UBIAD1: variants seen among roughly 807,000 people sequenced by gnomAD.
UBIAD1 encodes UbiA prenyltransferase domain containing 1, also known as ubiA prenyltransferase domain-containing protein 1.
In UBIAD1, 12 loss-of-function variants were observed where a neutral mutation model predicts 20.1. The ratio of observed to expected loss-of-function variants is 0.60; its 90% CI spans 0.38 to 0.97. The LOEUF is 0.97. UBIAD1 is among the 50% of genes least tolerant of loss of function. UBIAD1 has a pLI of 0.00. For missense variants in UBIAD1, 333 were observed against 419.5 expected (o/e 0.79, Z 1.80); for synonymous variants, 207 against 189.2 (o/e 1.09, Z -0.77).
In UBIAD1 at chr1:11,273,592, G is replaced by C; in HGVS notation, c.61G>C (p.Ala21Pro). ...CATCCTGTCGGGAGAGACTGTCAAA[G>C]CTGGGGACAGGGACCCGCTGGGGAA... ...INILSGETVKAGDRDPLGNDC... is the reference protein window; with the variant it reads ...INILSGETVKPGDRDPLGNDC... The change falls in exon 1 of 2, where the codon GCT (alanine) becomes CCT (proline). Residue 21 changes from alanine to proline, a missense_variant. By Grantham distance (27) the Ala-to-Pro change is conservative. Coordinates refer to ENST00000376810, the MANE Select transcript of UBIAD1 (RefSeq NM_013319.3). This position sits in a 1 kb window ranked among gnomAD's most constrained non-coding sequence, Gnocchi z 4.9. 2 of 1,613,856 alleles carry C rather than the reference G, an allele frequency of 1.2e-6. No homozygotes were observed. Among genetic ancestry groups the C allele is most frequent in the Non-Finnish European group, 1.7e-6 (2 of 1,180,048 alleles).
intron 1 of UBIAD1, among the ~76,000 whole-genome samples, chr1:11,282,067 T>C (rs902366227): frequency 1.3e-5 from 2 of 152,168 alleles, no homozygotes; most frequent in Admixed American, 1.3e-4. Context: ...TCAAGTCTTT[T>C]TGTGGATATT....
Position 11,273,746 on chromosome 1 carries a change from C to G in UBIAD1, c.215C>G (p.Ala72Gly), listed in dbSNP as rs1429746836. 1 of 1,614,088 alleles carries G rather than the reference C, an allele frequency of 6.2e-7. No individual in the cohort carries two copies. The highest frequency in any genetic ancestry group is 2.2e-5 in the East Asian group (1 of 44,880). ...LTPVALGSAL[A>G]YRSHGVLDPR... Reference sequence around the variant, plus strand: ...CCGGTGGCCCTGGGCAGTGCCCTTGCCTACAGATCCCACGGTGTCCTGGAT... The same window carrying G: ...CCGGTGGCCCTGGGCAGTGCCCTTGGCTACAGATCCCACGGTGTCCTGGAT... The change falls in exon 1 of 2, where the codon GCC (alanine) becomes GGC (glycine). Residue 72 changes from alanine to glycine, a missense_variant. This residue lies in a region of UBIAD1 where 50 missense variants were observed against 101.2 expected (regional missense o/e 0.49). Transcript: ENST00000376810. This position sits in a 1 kb window ranked among gnomAD's most constrained non-coding sequence, Gnocchi z 4.9.
chr1:11,277,127 C>T (rs1652062784), intron 1 of UBIAD1, among the ~76,000 whole-genome samples: 1 of 151,834 alleles, frequency 6.6e-6, no homozygotes, highest in Non-Finnish European at 1.5e-5. Context: ...GTCCCAGCTA[C>T]TTGGGAGGCT....
At chr1:11,277,110 G>GCA (rs1652062213) in intron 1 of UBIAD1, among the ~76,000 whole-genome samples, 1 of 151,890 alleles carries the variant, frequency 6.6e-6, no homozygotes, top group Non-Finnish European at 1.5e-5. Context: ...GGTGGTGCAT[G>GCA]CCTGTAGTCC....
Position 11,285,852 on chromosome 1 carries a change from C to T in UBIAD1, c.738C>T (p.Val246=). ...DMESDREAGI[V]TLAILIGPTF... is the part of the protein sequence containing the mutation. Reference sequence around the variant, plus strand: ...AGTCCGACCGGGAGGCTGGTATCGTCACGCTGGCCATCCTCATCGGCCCCA... The same window carrying T: ...AGTCCGACCGGGAGGCTGGTATCGTTACGCTGGCCATCCTCATCGGCCCCA... The change falls in exon 2 of 2, where the codon GTC becomes GTT. Residue 246 remains valine (V), a synonymous_variant. Coordinates refer to ENST00000376810, the MANE Select transcript of UBIAD1 (RefSeq NM_013319.3). This position sits in a 1 kb window ranked among gnomAD's most constrained non-coding sequence, Gnocchi z 4.4. 1.2e-6 allele frequency: 2 copies of T among 1,614,228 alleles called. No individual in the cohort carries two copies. Among genetic ancestry groups the T allele is most frequent in the Non-Finnish European group, 1.7e-6 (2 of 1,180,046 alleles).
At position 11,274,003 on chromosome 1, in the gene UBIAD1, G is replaced by C; in HGVS notation, c.472G>C (p.Glu158Gln). The C allele has an allele frequency of 6.2e-7, 1 of 1,614,174 alleles. No individual in the cohort carries two copies. ...CLYYLSPLKLEHLALIYFGGL... is the reference protein window; with the variant it reads ...CLYYLSPLKLQHLALIYFGGL... The stretch of plus-strand genomic sequence containing the variant: ...CTACTACCTGTCCCCTCTGAAACTG[G>C]AGCACTTGGCTCTTATCTACTTTGG... Residue 158 changes from glutamate to glutamine, a missense_variant, in exon 1 of 2, where the codon GAG (glutamate) becomes CAG (glutamine). Physicochemically the swap from Glu to Gln is conservative, Grantham distance 29. Around this residue, in one of 3 missense-constraint regions of UBIAD1, gnomAD observed 226 missense variants for 263.5 expected, o/e 0.86. Transcript: ENST00000376810.
intron 1 of UBIAD1, among the ~76,000 whole-genome samples, chr1:11,278,124 A>G (rs1652119416): frequency 6.6e-6 from 1 of 151,808 alleles, no homozygotes; most frequent in Admixed American, 6.6e-5. Flanking sequence ...CGCCTGGTTA[A>G]TTTTTGGATT....
downstream of UBIAD1, among the ~76,000 whole-genome samples, chr1:11,289,897 A>AT (rs768566168): frequency 1.1e-3 from 174 of 152,062 alleles, 2 homozygotes; most frequent in Non-Finnish European, 1.9e-3. Context: ...TGCCCAGCTA[A>AT]TTTTTTGTAT....
At chr1:11,299,192 G>C (rs1389540493), downstream of UBIAD1, among the ~76,000 whole-genome samples, 2 of 152,206 alleles carry the variant, frequency 1.3e-5, no homozygotes, top group Non-Finnish European at 2.9e-5. Flanking sequence ...CTCAGTGGCG[G>C]GCATGACAGC....
At chr1:11,279,146 G>T in intron 1 of UBIAD1, 1 of 221,524 alleles carries the variant, frequency 4.5e-6, no homozygotes, top group South Asian at 8.1e-5. Context: ...TTATAGGTGT[G>T]AACTGCCATG....
chr1:11,297,244 G>A (rs1638463719), downstream of UBIAD1, among the ~76,000 whole-genome samples: 1 of 152,180 alleles, frequency 6.6e-6, no homozygotes, highest in Non-Finnish European at 1.5e-5. Flanking sequence ...GGTCACGAGA[G>A]TAGAGTCCTC....
rs1338912724 is a variant in UBIAD1 at position 11,273,358 on chromosome 1, G to A, written c.-174G>A. On this transcript the variant is annotated 5_prime_UTR_variant, in exon 1 of 2. Transcript: ENST00000376810. The surrounding 1 kb of genome is among the most constrained non-coding windows in gnomAD (Gnocchi z 4.9). ...TAGGGGCGGCGCCGCTTGGCCTCGT[G>A]GGGTGTAAGACCCACTTGCTGTTGC... 3 of 711,402 alleles carry A rather than the reference G, an allele frequency of 4.2e-6. No individual in the cohort carries two copies. The highest frequency in any genetic ancestry group is 2.6e-5 in the Admixed American group (1 of 38,490). The allele number at this position is 711,402 out of a possible 1,614,324, so 44.1% of individuals were successfully genotyped here. A position where few individuals can be genotyped will look rare whatever the true frequency, so the allele number is the denominator to read the frequency against.
Position 11,273,966 on chromosome 1 carries a change from TGCCGCTTGCCTCTACTA to T in UBIAD1, c.436_452del (p.Ala146ProfsTer146). Reference sequence around the variant, plus strand: ...TCCTCTACACGTTGGGCTGCGTCTGTGCCGCTTGCCTCTACTACCTGTCCCCTCTGAAACTGGAGCAC... The same window carrying T: ...TCCTCTACACGTTGGGCTGCGTCTGTCCTGTCCCCTCTGAAACTGGAGCAC... On this transcript the variant is annotated frameshift_variant, in exon 1 of 2. Transcript: ENST00000376810. LOFTEE classifies it high-confidence loss of function. This position sits in a 1 kb window ranked among gnomAD's most constrained non-coding sequence, Gnocchi z 4.9. 1.9e-6 allele frequency: 3 copies of T among 1,614,218 alleles called. No homozygotes were observed. Among genetic ancestry groups the T allele is most frequent in the Non-Finnish European group, 2.5e-6 (3 of 1,180,032 alleles).
downstream of UBIAD1, chr1:11,295,870 A>G (rs1638439122): frequency 6.6e-6 from 1 of 152,264 alleles, no homozygotes; most frequent in Admixed American, 6.5e-5. Flanking sequence ...AGCAAAAGCT[A>G]CATGCATACA....
At position 11,285,953 on chromosome 1, in the gene UBIAD1, C is replaced by T. The variant is rs752906753; in HGVS notation, c.839C>T (p.Thr280Ile). 6.2e-7 allele frequency: 1 copy of T among 1,614,232 alleles called. No individual in the cohort carries two copies. The highest frequency in any genetic ancestry group is 8.5e-7 in the Non-Finnish European group (1 of 1,180,044). ...LVFSILATHC[T>I]ISLALPLLTI... ...TTCAGCATCCTGGCCACACACTGCA[C>T]CATCAGCCTGGCACTCCCCCTGCTT... Residue 280 changes from threonine to isoleucine, a missense_variant, in exon 2 of 2, where the codon ACC becomes ATC. By Grantham distance (89) the Thr-to-Ile change is moderately conservative. Transcript: ENST00000376810. The surrounding 1 kb of genome is among the most constrained non-coding windows in gnomAD (Gnocchi z 4.4).
chr1:11,273,747 C>T lies in UBIAD1; in HGVS notation c.216C>T (p.Ala72=). Residue 72 remains alanine (A), a synonymous_variant, in exon 1 of 2, where the codon GCC becomes GCT. Coordinates refer to ENST00000376810, the MANE Select transcript of UBIAD1 (RefSeq NM_013319.3). The surrounding 1 kb of genome is among the most constrained non-coding windows in gnomAD (Gnocchi z 4.9). Reference sequence around the variant, plus strand: ...CGGTGGCCCTGGGCAGTGCCCTTGCCTACAGATCCCACGGTGTCCTGGATC... The same window carrying T: ...CGGTGGCCCTGGGCAGTGCCCTTGCTTACAGATCCCACGGTGTCCTGGATC... ...LTPVALGSAL[A]YRSHGVLDPR... 6.2e-7 allele frequency: 1 copy of T among 1,614,120 alleles called. No individual in the cohort carries two copies. Among genetic ancestry groups the T allele is most frequent in the South Asian group, 1.1e-5 (1 of 91,084 alleles).
In UBIAD1 at chr1:11,273,287, C is replaced by G; in HGVS notation, c.-245C>G. On this transcript the variant is annotated 5_prime_UTR_variant, in exon 1 of 2. Coordinates refer to ENST00000376810, the MANE Select transcript of UBIAD1 (RefSeq NM_013319.3). The surrounding 1 kb of genome is among the most constrained non-coding windows in gnomAD (Gnocchi z 4.9). The stretch of plus-strand genomic sequence containing the variant: ...GCCGCGGCTCAGCCGTGGGCTCTAA[C>G]GCGGGGCTGGGGGCCGGAGACAGAC... The G allele has an allele frequency of 1.8e-6, 1 of 563,494 alleles. No individual in the cohort carries two copies. The highest frequency in any genetic ancestry group is 3.2e-6 in the Non-Finnish European group (1 of 314,524). 34.9% of individuals were successfully genotyped at this position (563,494 alleles called of 1,614,324 possible).
At chr1:11,282,526 A>T (rs1162729160) in intron 1 of UBIAD1, among the ~76,000 whole-genome samples, 1 of 149,580 alleles carries the variant, frequency 6.7e-6, no homozygotes, top group African/African-American at 2.5e-5. Context: ...TGGGGTGGGG[A>T]CAGAGATCTC....
downstream of UBIAD1, among the ~76,000 whole-genome samples, chr1:11,298,457 C>T (rs1426163166): frequency 2.0e-5 from 3 of 151,948 alleles, no homozygotes; most frequent in Non-Finnish European, 4.4e-5. This position sits in a 1 kb window ranked among gnomAD's most constrained non-coding sequence, Gnocchi z 4.0. Context: ...ATCCCAGCTA[C>T]TCCGGAGGCT....
Sources: allele counts gnomAD v4.1 joint callset (sites outside exome capture counted in the v4.1 genomes callset), GRCh38; gene constraint gnomAD v4.1.1; regional missense constraint gnomAD v4.1.1; non-coding constraint Gnocchi (gnomAD v3.1); transcripts MANE v1.5; gene names NCBI Gene and HGNC (gene_info 2026-07-23, HGNC 2026-07-21).